The following PDIA5 variants were observed in gnomAD, a reference collection of about 807,000 sequenced individuals.
PDIA5 encodes the protein protein disulfide-isomerase A5.
A neutral mutation model predicts 77.6 loss-of-function variants in PDIA5; 58 were observed. The observed-to-expected ratio is 0.75, with a 90% CI of 0.61 to 0.93. PDIA5 has a LOEUF of 0.93. PDIA5 is among the 40% of genes least tolerant of loss of function. PDIA5 has a pLI of 0.00. For synonymous variants in PDIA5, 250 were observed against 252.1 expected, an observed-to-expected ratio of 0.99 and a Z score of 0.08; for missense variants, 630 against 647.7, an observed-to-expected ratio of 0.97 and a Z score of 0.30.
intron 1 of PDIA5, among the ~76,000 whole-genome samples, chr3:123,074,580 C>T (rs537024909): frequency 8.5e-5 from 13 of 152,178 alleles, no homozygotes; most frequent in Admixed American, 7.9e-4. Flanking sequence ...AGCTTGATAA[C>T]TTCTATAATT....
chr3:123,151,803 GCCTT>G (rs1935907036), intron 14 of PDIA5, among the ~76,000 whole-genome samples: 2 of 110,210 alleles, frequency 1.8e-5, no homozygotes, highest in Admixed American at 9.9e-5. Flanking sequence ...CTGCCTGCCT[GCCTT>G]CCTGCCTGCC....
chr3:123,158,771 A>G lies in PDIA5; in HGVS notation c.1345-2550A>G, dbSNP rs1433386400. Among the ~76,000 whole-genome samples the G allele has an allele frequency of 5.3e-5, 8 of 152,240 alleles. No individual in the cohort carries two copies. The East Asian group carries it at 1.5e-3, about 29-fold the overall frequency. The stretch of plus-strand genomic sequence containing the variant: ...TGCCCCAGGATTTGTACCAACCACC[A>G]TAGAACAAATTGAGAAATCGTAGGT... On this transcript the variant is annotated intron_variant, in intron 15 of 16. Transcript: ENST00000316218.
At chr3:123,115,276 C>T (rs957565973) in intron 7 of PDIA5, among the ~76,000 whole-genome samples, 5 of 152,208 alleles carry the variant, frequency 3.3e-5, no homozygotes, top group African/African-American at 1.2e-4. Context: ...TGCTCATGTC[C>T]TGTGGGATCA....
chr3:123,137,510 T>C (rs1935529700), intron 11 of PDIA5, among the ~76,000 whole-genome samples: 1 of 152,242 alleles, frequency 6.6e-6, no homozygotes, highest in Non-Finnish European at 1.5e-5. Flanking sequence ...CTTTACATCC[T>C]TTGTAGCTGA....
intron 5 of PDIA5, among the ~76,000 whole-genome samples, chr3:123,106,443 C>G (rs1934734919): frequency 6.6e-6 from 1 of 152,192 alleles, no homozygotes; most frequent in Non-Finnish European, 1.5e-5. Context: ...CTCATTGTCT[C>G]AAATTTTCTC....
chr3:123,092,211 G>C, intron 2 of PDIA5, 144 bp from the exon 3 acceptor site: 2 of 653,272 alleles, frequency 3.1e-6, no homozygotes, highest in Non-Finnish European at 5.4e-6. Context: ...GTTGAATGCA[G>C]GGATGGGTGT....
intron 7 of PDIA5, among the ~76,000 whole-genome samples, chr3:123,113,194 GT>G (rs1176376492): frequency 1.3e-5 from 2 of 152,198 alleles, no homozygotes; most frequent in Non-Finnish European, 2.9e-5. Context: ...CAACACATTG[GT>G]TAAATGAAGC....
intron 15 of PDIA5, among the ~76,000 whole-genome samples, chr3:123,155,626 T>C (rs919328484): frequency 6.6e-6 from 1 of 152,208 alleles, no homozygotes; most frequent in African/African-American, 2.4e-5. Context: ...GAAATACCCC[T>C]GAATTCGGGG....
In PDIA5 at chr3:123,159,889, C is replaced by T. The variant is rs577802656; in HGVS notation, c.1345-1432C>T. ...TGAGGGACATGATGAGTAAACGTGG[C>T]CATGGGGGCCCACAGGATTCTCCTA... On this transcript the variant is annotated intron_variant, in intron 15 of 16. Transcript: ENST00000316218. 4.1e-3 allele frequency among the ~76,000 whole-genome samples: 618 copies of T among 152,292 alleles called. 4 individuals are homozygous for T. Among genetic ancestry groups the T allele is most frequent in the Middle Eastern group, 0.01 (3 of 294 alleles).
At chr3:123,140,729 G>A (rs1311554325) in intron 11 of PDIA5, among the ~76,000 whole-genome samples, 1 of 152,206 alleles carries the variant, frequency 6.6e-6, no homozygotes, top group South Asian at 2.1e-4. Flanking sequence ...CATGTGTCTG[G>A]TGGGGCTGCT....
chr3:123,080,452 C>G (rs1406925806), intron 1 of PDIA5, among the ~76,000 whole-genome samples: 1 of 152,180 alleles, frequency 6.6e-6, no homozygotes, highest in Admixed American at 6.5e-5. Flanking sequence ...GGTCCTCTTA[C>G]CAGAAAAGGG....
intron 10 of PDIA5, among the ~76,000 whole-genome samples, chr3:123,126,252 C>G (rs1440378046): frequency 6.6e-6 from 1 of 152,052 alleles, no homozygotes; most frequent in African/African-American, 2.4e-5. Flanking sequence ...CCCGGCTCCC[C>G]CACCCGCATT....
intron 6 of PDIA5, 104 bp from the exon 7 acceptor site, chr3:123,110,840 C>G: frequency 1.0e-6 from 1 of 955,930 alleles, no homozygotes; most frequent in Admixed American, 1.7e-5. Context: ...CTCCCCTCCC[C>G]ATCCCTACCC....
chr3:123,071,768 G>C (rs1034149336), intron 1 of PDIA5, among the ~76,000 whole-genome samples: 9 of 152,186 alleles, frequency 5.9e-5, no homozygotes, highest in Non-Finnish European at 1.0e-4. Context: ...GGGCAGACTT[G>C]GAGCTCTGTG....
chr3:123,106,659 C>A (rs1934740127), intron 5 of PDIA5, 90 bp from the exon 6 acceptor site: 1 of 892,806 alleles, frequency 1.1e-6, no homozygotes, highest in Non-Finnish European at 1.8e-6. Flanking sequence ...CCCAGGTCTC[C>A]AGGCAGGGAA....
At chr3:123,102,546 T>C (rs775080547) in intron 4 of PDIA5, 52 bp downstream of exon 4, 21 of 1,334,274 alleles carry the variant, frequency 1.6e-5, no homozygotes, top group Non-Finnish European at 2.3e-5. Context: ...AATGCTTTCA[T>C]TGGTATTTTC....
chr3:123,067,249 G>C (rs1488055754), intron 1 of PDIA5, 43 bp downstream of exon 1: 1 of 1,233,270 alleles, frequency 8.1e-7, no homozygotes, highest in African/African-American at 1.6e-5. Context: ...CAGCACGTGT[G>C]TCCCGCGTGC....
intron 1 of PDIA5, among the ~76,000 whole-genome samples, chr3:123,068,957 T>C (rs2107898321): frequency 1.3e-5 from 2 of 152,262 alleles, no homozygotes; most frequent in Middle Eastern, 6.8e-3. Context: ...GTGTGGTAGT[T>C]AGCTAGGCAG....
Position 123,118,402 on chromosome 3 carries a change from C to G in PDIA5, c.609+2104C>G, listed in dbSNP as rs111429983. Among the ~76,000 whole-genome samples the G allele has an allele frequency of 3.7e-3, 567 of 152,308 alleles. 5 individuals carry two copies. Among genetic ancestry groups the G allele is most frequent in the African/African-American group, 0.013 (545 of 41,542 alleles). On this transcript the variant is annotated intron_variant, in intron 8 of 16. Coordinates refer to ENST00000316218, the MANE Select transcript of PDIA5 (RefSeq NM_006810.4). ...CTTAGAAATCTGCTCAGCTCAACTT[C>G]CCGAATTCTGTGCTGTGGAAGGTAA...
Sources: allele counts gnomAD v4.1 joint callset (sites outside exome capture counted in the v4.1 genomes callset), GRCh38; gene constraint gnomAD v4.1.1; transcripts MANE v1.5; gene names NCBI Gene and HGNC (gene_info 2026-07-23, HGNC 2026-07-21).